Variants in MYO1F observed in about 807,000 individuals in gnomAD.
The protein encoded by MYO1F is unconventional myosin-If.
In MYO1F, 60 loss-of-function variants were observed where a neutral mutation model predicts 146.6. That is an observed-to-expected ratio of 0.41 (90% confidence interval 0.33 to 0.51). The LOEUF (loss-of-function observed/expected upper bound fraction) is 0.51, where lower values mean the gene tolerates loss of function less well. MYO1F is among the 20% of genes least tolerant of loss of function. The pLI is 0.25. For synonymous variants in MYO1F, 602 were observed against 602.1 expected (o/e 1.00, Z 0.00); for missense variants, 1,274 against 1,534.3 (o/e 0.83, Z 2.83).
chr19:8,550,797 C>A lies in MYO1F; in HGVS notation c.772-103G>T, dbSNP rs1006989287. ...ACAGCACGGACTCAGGGAGTGAGCA[C>A]CCTTGGGTCCCTGTCCTACCCCTTT... is the stretch of plus-strand genomic sequence containing the variant. On this transcript the variant is annotated intron_variant, in intron 8 of 27. Transcript: ENST00000644032. 19 of 1,500,292 alleles carry A rather than the reference C, an allele frequency of 1.3e-5. No individual in the cohort carries two copies. In the African/African-American group the frequency reaches 1.9e-4, roughly 15 times the overall value. The allele number at this position is 1,500,292 out of a possible 1,614,324, so 92.9% of individuals were successfully genotyped here. A position where few individuals can be genotyped will look rare whatever the true frequency, so the allele number is the denominator to read the frequency against.
rs746004780 is a variant in MYO1F, at chr19:8,522,402, G to A, written c.3195C>T (p.Asn1065=). The A allele has an allele frequency of 1.4e-5, 22 of 1,614,098 alleles. No individual in the cohort carries two copies. The highest frequency in any genetic ancestry group is 5.3e-5 in the African/African-American group (4 of 75,042). ...CTTCCATGAGGATCTCAATGACCTC[G>A]TTCACGTTGAAGCTCAGCTCGTCCA... The part of the protein sequence containing the change: ...QDVDELSFNV[N]EVIEILMEDP... The change falls in exon 27 of 28, where the codon AAC becomes AAT. Residue 1065 remains asparagine (N), a synonymous_variant. Transcript: ENST00000644032.
At chr19:8,562,024 T>TAA (rs1974156628) in intron 1 of MYO1F, among the ~76,000 whole-genome samples, 1 of 151,526 alleles carries the variant, frequency 6.6e-6, no homozygotes, top group African/African-American at 2.4e-5. Context: ...CCTTCCTTCC[T>TAA]TTTTCTTTTT....
At chr19:8,540,658 C>T (rs1043207001) in intron 15 of MYO1F, among the ~76,000 whole-genome samples, 3 of 149,076 alleles carry the variant, frequency 2.0e-5, no homozygotes, top group African/African-American at 7.5e-5. Context: ...TGCAGTGAGC[C>T]GAGATCGTGC....
At position 8,530,434 on chromosome 19, in the gene MYO1F, G is replaced by A. The variant is rs375558733; in HGVS notation, c.2158+25C>T. 6.0e-5 allele frequency: 97 copies of A among 1,613,514 alleles called. 1 individual carries two copies. Among genetic ancestry groups the A allele is most frequent in the Non-Finnish European group, 7.3e-5 (86 of 1,179,934 alleles). On this transcript the variant is annotated intron_variant, in intron 20 of 27. Transcript: ENST00000644032. This position sits in a 1 kb window ranked among gnomAD's most constrained non-coding sequence, Gnocchi z 5.8. Reference sequence around the variant, plus strand: ...CTCCAGGTCCTTGTGCCCCCACCCCGCGCCGTTTACCCGAAGCCTCTCACC... The same window carrying A: ...CTCCAGGTCCTTGTGCCCCCACCCCACGCCGTTTACCCGAAGCCTCTCACC...
chr19:8,541,670 T>G (rs1315239155), intron 15 of MYO1F: 1 of 538,606 alleles, frequency 1.9e-6, no homozygotes, highest in Non-Finnish European at 3.4e-6. Flanking sequence ...CTCAAGAGAT[T>G]TGTCCACTTC....
intron 15 of MYO1F, 185 bp downstream of exon 15, chr19:8,541,721 G>A (rs1032012942): frequency 9.3e-6 from 6 of 643,838 alleles, no homozygotes; most frequent in African/African-American, 7.1e-5. Flanking sequence ...GAGCCACTGC[G>A]CCCGGCCTCT....
chr19:8,537,184 G>A, intron 16 of MYO1F, 129 bp from the exon 17 acceptor site: 2 of 678,254 alleles, frequency 2.9e-6, no homozygotes, highest in Admixed American at 4.2e-5. Flanking sequence ...TAACAGATAA[G>A]CCACAGGGGC....
At chr19:8,551,636 G>A in intron 8 of MYO1F, 104 bp downstream of exon 8, 1 of 1,549,290 alleles carries the variant, frequency 6.5e-7, no homozygotes, top group Non-Finnish European at 8.9e-7. Flanking sequence ...ACAGGCTTGA[G>A]CCACATGCCT....
At chr19:8,524,286 C>T (rs1190976585) in intron 25 of MYO1F, among the ~76,000 whole-genome samples, 7 of 150,272 alleles carry the variant, frequency 4.7e-5, no homozygotes, top group Admixed American at 4.6e-4. Flanking sequence ...CATGGTGGTG[C>T]ATGCCTGTAA....
chr19:8,574,367 G>A (rs1489848150), intron 1 of MYO1F, among the ~76,000 whole-genome samples: 9 of 152,158 alleles, frequency 5.9e-5, no homozygotes, highest in African/African-American at 2.2e-4. Context: ...CCCAGCTAAT[G>A]GCAGCTACCA....
rs1323367507 is a variant in MYO1F at position 8,555,822 on chromosome 19, T to A, written c.4-26A>T. The A allele has an allele frequency of 4.4e-6, 7 of 1,602,134 alleles. No homozygotes were observed. In the Admixed American group the frequency reaches 8.4e-5, roughly 19 times the overall value. On this transcript the variant is annotated intron_variant, in intron 1 of 27. Coordinates refer to ENST00000644032, the MANE Select transcript of MYO1F (RefSeq NM_012335.4). Reference sequence around the variant, plus strand: ...CTGGGGGGTGAGAGGGGGGTCGGGGTGAGCCCTTGCACGGGGATGCGGCAC... The same window carrying A: ...CTGGGGGGTGAGAGGGGGGTCGGGGAGAGCCCTTGCACGGGGATGCGGCAC...
intron 24 of MYO1F, among the ~76,000 whole-genome samples, chr19:8,525,849 G>T (rs953388528): frequency 1.3e-5 from 2 of 152,020 alleles, no homozygotes; most frequent in African/African-American, 4.8e-5. Context: ...TACATTTCTC[G>T]CCCCCGCATT....
At chr19:8,526,327 A>T in intron 24 of MYO1F, 126 bp downstream of exon 24, 3 of 1,436,394 alleles carry the variant, frequency 2.1e-6, no homozygotes, top group East Asian at 2.5e-5. Context: ...ACTCCGTCTT[A>T]AAAAAACCAC....
At chr19:8,546,661 G>A (rs890495782) in intron 12 of MYO1F, among the ~76,000 whole-genome samples, 15 of 151,318 alleles carry the variant, frequency 9.9e-5, no homozygotes, top group Admixed American at 9.3e-4. Flanking sequence ...TGTCTGGCTC[G>A]GTCTGTCTCT....
At chr19:8,532,216 G>A (rs936068526) in intron 19 of MYO1F, among the ~76,000 whole-genome samples, 1 of 151,804 alleles carries the variant, frequency 6.6e-6, no homozygotes, top group Admixed American at 6.6e-5. Flanking sequence ...ACTAGCAACC[G>A]TGTGGTTGGG....
chr19:8,530,557 T>C lies in MYO1F; in HGVS notation c.2060A>G (p.Glu687Gly). ...GCCATCGAACTTTCGCTCTCGCACCTCCTCCAGGAGGAAAAGCTGGGCGGG... is the reference window on the plus strand; with the variant it reads ...GCCATCGAACTTTCGCTCTCGCACCCCCTCCAGGAGGAAAAGCTGGGCGGG... The part of the protein sequence containing the change: ...KNPESLFLLE[E>G]VRERKFDGFA... Residue 687 changes from glutamate (E) to glycine (G), a missense_variant, in exon 20 of 28, where the codon GAG becomes GGG. By Grantham distance (98) the Glu-to-Gly change is moderately conservative. Transcript: ENST00000644032. The surrounding 1 kb of genome is among the most constrained non-coding windows in gnomAD (Gnocchi z 5.8). The C allele has an allele frequency of 2.5e-6, 4 of 1,612,182 alleles. No individual in the cohort carries two copies. The highest frequency in any genetic ancestry group is 3.4e-6 in the Non-Finnish European group (4 of 1,179,982).
At chr19:8,538,057 C>T (rs1032083423) in intron 16 of MYO1F, among the ~76,000 whole-genome samples, 2 of 151,742 alleles carry the variant, frequency 1.3e-5, no homozygotes, top group East Asian at 1.9e-4. Context: ...CTGCAACCTC[C>T]GTCTCCCAGG....
rs867308879 is a variant in MYO1F at position 8,526,897 on chromosome 19, G to C, written c.2513C>G (p.Ala838Gly). The C allele has an allele frequency of 6.2e-7, 1 of 1,613,914 alleles. No homozygotes were observed. Among genetic ancestry groups the C allele is most frequent in the South Asian group, 1.1e-5 (1 of 91,092 alleles). ...GACGCTCTCCAGGAAGCTGTCGGCG[G>C]CATCCTCTTGGAGGATGAAGAAGTC... The part of the protein sequence containing the change: ...QDDFFILQED[A>G]ADSFLESVFK... The change falls in exon 23 of 28, where the codon GCC becomes GGC. Residue 838 changes from alanine (A) to glycine (G), a missense_variant. Ala to Gly is a moderately conservative substitution (Grantham distance 60, BLOSUM62 0). This residue lies in a region of MYO1F where 374 missense variants were observed against 379.2 expected (regional missense o/e 0.99). Transcript: ENST00000644032.
chr19:8,528,954 G>T (rs533568289), intron 21 of MYO1F, among the ~76,000 whole-genome samples: 51 of 152,248 alleles, frequency 3.3e-4, no homozygotes, highest in African/African-American at 1.1e-3. Flanking sequence ...TCTGGGTCTA[G>T]TGGGGATACC....
Sources: allele counts gnomAD v4.1 joint callset (sites outside exome capture counted in the v4.1 genomes callset), GRCh38; gene constraint gnomAD v4.1.1; regional missense constraint gnomAD v4.1.1; non-coding constraint Gnocchi (gnomAD v3.1); transcripts MANE v1.5; gene names NCBI Gene and HGNC (gene_info 2026-07-23, HGNC 2026-07-21).